Variants in RNFT1 observed in about 807,000 individuals in gnomAD.
The protein encoded by RNFT1 is E3 ubiquitin-protein ligase RNFT1.
RNFT1 carries 35 observed loss-of-function variants against 53.2 expected under a neutral mutation model. The ratio of observed to expected loss-of-function variants is 0.66; its 90% CI spans 0.50 to 0.87. The LOEUF (loss-of-function observed/expected upper bound fraction) is 0.87, where lower values mean the gene tolerates loss of function less well. RNFT1 is among the 40% of genes least tolerant of loss of function. The pLI is 0.00. For synonymous variants in RNFT1, 141 were observed against 172.8 expected, an observed-to-expected ratio of 0.82 and a Z score of 1.44; for missense variants, 421 against 515.0, an observed-to-expected ratio of 0.82 and a Z score of 1.77.
chr17:59,961,538 C>T (rs1335948930), intron 3 of RNFT1, among the ~76,000 whole-genome samples: 3 of 151,900 alleles, frequency 2.0e-5, no homozygotes, highest in East Asian at 1.9e-4. Context: ...ATGACGGGCT[C>T]GTGTAACTTA....
At position 59,964,725 on chromosome 17, in the gene RNFT1, G is replaced by A. The variant is rs1220533914; in HGVS notation, c.-62C>T. 1 of 1,495,418 alleles carries A rather than the reference G, an allele frequency of 6.7e-7. No homozygotes were observed. Among genetic ancestry groups the A allele is most frequent in the Non-Finnish European group, 9.0e-7 (1 of 1,116,632 alleles). 92.6% of individuals were successfully genotyped at this position (1,495,418 alleles called of 1,614,324 possible). ...GCAAACCCCGCAAGCTCTTCTCTCA[G>A]CCCGGCGGCAACGGCGGCGGCGCGC... On this transcript the variant is annotated 5_prime_UTR_variant, in exon 1 of 9. Transcript: ENST00000305783.
At chr17:59,960,303 T>A in intron 3 of RNFT1, 135 bp from the exon 4 acceptor site, 1 of 911,800 alleles carries the variant, frequency 1.1e-6, no homozygotes, top group African/African-American at 1.7e-5. Flanking sequence ...AAACTGTACA[T>A]AATCATCACA....
At chr17:59,962,133 C>T (rs2045298361) in intron 3 of RNFT1, among the ~76,000 whole-genome samples, 2 of 152,070 alleles carry the variant, frequency 1.3e-5, no homozygotes, top group African/African-American at 4.8e-5. Context: ...GATCTGCCCG[C>T]CTCGGCCTCC....
intron 4 of RNFT1, chr17:59,958,747 T>C (rs1433920819): frequency 2.2e-6 from 1 of 453,872 alleles, no homozygotes. Flanking sequence ...TGCTGTGTTT[T>C]TCTTAACCAA....
At chr17:59,962,405 A>G in intron 3 of RNFT1, 135 bp downstream of exon 3, 1 of 578,274 alleles carries the variant, frequency 1.7e-6, no homozygotes, top group Non-Finnish European at 3.1e-6. Flanking sequence ...AACAAATTTA[A>G]CATAACGTGG....
chr17:59,958,118 A>C (rs1352768560), intron 5 of RNFT1, among the ~76,000 whole-genome samples, 173 bp downstream of exon 5: 1 of 152,244 alleles, frequency 6.6e-6, no homozygotes, highest in East Asian at 1.9e-4. Context: ...CAAATAGGTT[A>C]ATAATCAGGT....
intron 7 of RNFT1, among the ~76,000 whole-genome samples, 199 bp downstream of exon 7, chr17:59,956,289 T>C (rs926468167): frequency 6.6e-6 from 1 of 152,208 alleles, no homozygotes; most frequent in Non-Finnish European, 1.5e-5. Flanking sequence ...GTTGTCAATG[T>C]GTGATTCAAG....
chr17:59,956,735 A>G (rs2045256574), intron 6 of RNFT1, among the ~76,000 whole-genome samples, 182 bp from the exon 7 acceptor site: 1 of 152,238 alleles, frequency 6.6e-6, no homozygotes, highest in Admixed American at 6.5e-5. Flanking sequence ...CATCTCAGCA[A>G]GCTGAAGTAC....
chr17:59,954,665 T>C (rs1360315103), intron 7 of RNFT1, among the ~76,000 whole-genome samples: 1 of 152,186 alleles, frequency 6.6e-6, no homozygotes, highest in Non-Finnish European at 1.5e-5. Flanking sequence ...TAATCTATTA[T>C]TTGAAAGGTC....
rs138189792 is a variant in RNFT1 at position 59,958,878 on chromosome 17, C to T, written c.693-434G>A. The stretch of plus-strand genomic sequence containing the variant: ...CCATCTTCCCTCCCTGAATAATTTT[C>T]TTTCTAGACTTTTAACACAACACTT... On this transcript the variant is annotated intron_variant, in intron 4 of 8. Coordinates refer to ENST00000305783, the MANE Select transcript of RNFT1 (RefSeq NM_016125.4). 1.6e-3 allele frequency among the ~76,000 whole-genome samples: 250 copies of T among 152,274 alleles called. 2 individuals carry two copies. Among genetic ancestry groups the T allele is most frequent in the African/African-American group, 5.7e-3 (238 of 41,554 alleles).
intron 4 of RNFT1, chr17:59,958,838 G>T: frequency 3.3e-6 from 1 of 307,174 alleles, no homozygotes; most frequent in Non-Finnish European, 6.3e-6. Flanking sequence ...TAAATTTCAA[G>T]GTCACTCTCT....
chr17:59,956,490 G>A lies in RNFT1; in HGVS notation c.1069C>T (p.Pro357Ser), dbSNP rs775567916. 3 of 1,609,658 alleles carry A rather than the reference G, an allele frequency of 1.9e-6. No homozygotes were observed. The highest frequency in any genetic ancestry group is 1.1e-5 in the South Asian group (1 of 90,342). Residue 357 changes from proline to serine, a missense_variant and splice_region_variant, in exon 7 of 9, where the codon CCA (proline) becomes TCA (serine). Transcript: ENST00000305783. ...CTTAACTGATAAAAAGTACTTACTG[G>A]TTGTGTAAAAAATATTCGTAAAACC... ...RQVLRIFFTQ[P>S]SYGVAASKRQ...
intron 7 of RNFT1, 42 bp downstream of exon 7, chr17:59,956,446 G>A: frequency 7.0e-7 from 1 of 1,422,494 alleles, no homozygotes; most frequent in Non-Finnish European, 9.8e-7. Flanking sequence ...TTGCAGTGAA[G>A]AAAGGTGAAG....
intron 7 of RNFT1, among the ~76,000 whole-genome samples, chr17:59,954,545 A>C (rs1359293732): frequency 1.3e-5 from 2 of 152,222 alleles, no homozygotes; most frequent in Non-Finnish European, 2.9e-5. Context: ...ATCCAGCCAG[A>C]GGTTGGCTGG....
intron 3 of RNFT1, chr17:59,962,218 C>G: frequency 5.1e-6 from 1 of 195,122 alleles, no homozygotes; most frequent in Non-Finnish European, 1.1e-5. Flanking sequence ...GTCTTACTTA[C>G]TATGGTCAAA....
At chr17:59,953,825 G>A (rs1223850593) in intron 8 of RNFT1, 2 of 389,542 alleles carry the variant, frequency 5.1e-6, no homozygotes, top group Non-Finnish European at 9.1e-6. Flanking sequence ...TATTCAATCT[G>A]CCAGTTGAAT....
intron 6 of RNFT1, 38 bp from the exon 7 acceptor site, chr17:59,956,591 C>G: frequency 6.5e-7 from 1 of 1,540,732 alleles, no homozygotes; most frequent in Non-Finnish European, 9.0e-7. Context: ...TTAATTCAAA[C>G]AGTCCTATTT....
chr17:59,960,695 C>T (rs892791292), intron 3 of RNFT1, among the ~76,000 whole-genome samples: 2 of 151,868 alleles, frequency 1.3e-5, no homozygotes, highest in African/African-American at 4.8e-5. Context: ...TGCCTGTAAT[C>T]CCAGCTACTC....
At chr17:59,953,190 C>A in intron 8 of RNFT1, 79 bp from the exon 9 acceptor site, 55 of 775,792 alleles carry the variant, frequency 7.1e-5, no homozygotes, top group Non-Finnish European at 9.6e-5. Flanking sequence ...GAAAGGGATT[C>A]TTTTTTTTTT....
Sources: gnomAD v4.1 joint callset for allele counts (sites outside exome capture counted in the v4.1 genomes callset) on GRCh38, gnomAD v4.1.1 for gene constraint, MANE v1.5 for transcripts, NCBI Gene and HGNC (gene_info 2026-07-23, HGNC 2026-07-21) for gene names.